Variants in GEMIN2 observed in about 807,000 individuals in gnomAD.
GEMIN2 encodes the protein gem-associated protein 2.
GEMIN2 carries 37 observed loss-of-function variants against 45.8 expected under a neutral mutation model. The observed-to-expected ratio is 0.81, with a 90% CI of 0.62 to 1.06. GEMIN2 has a LOEUF of 1.06. GEMIN2 is among the 50% of genes least tolerant of loss of function. GEMIN2 has a pLI of 0.00. For synonymous variants in GEMIN2, 101 were observed against 111.5 expected (o/e 0.91, Z 0.60); for missense variants, 335 against 321.8 (o/e 1.04, Z -0.31).
intron 2 of GEMIN2, among the ~76,000 whole-genome samples, chr14:39,115,916 G>A (rs1424871592): frequency 1.3e-5 from 2 of 152,168 alleles, no homozygotes; most frequent in Non-Finnish European, 2.9e-5. Flanking sequence ...CCCTCCTGAG[G>A]AAGACAGAGA....
At position 39,125,052 on chromosome 14, in the gene GEMIN2, G is replaced by A; in HGVS notation, c.531+16G>A. 8.5e-7 allele frequency: 1 copy of A among 1,181,004 alleles called. No homozygotes were observed. The highest frequency in any genetic ancestry group is 1.3e-6 in the Non-Finnish European group (1 of 789,134). The allele number at this position is 1,181,004 out of a possible 1,614,324, so 73.2% of individuals were successfully genotyped here. Reference sequence around the variant, plus strand: ...AATGAATCAGGTAAAATTAATAATAGAGATATATGCATTCTTTTGTTTGCA... The same window carrying A: ...AATGAATCAGGTAAAATTAATAATAAAGATATATGCATTCTTTTGTTTGCA... On this transcript the variant is annotated intron_variant, in intron 6 of 9. Coordinates refer to ENST00000308317, the MANE Select transcript of GEMIN2 (RefSeq NM_003616.3).
chr14:39,135,386 G>A (rs1009738528), intron 9 of GEMIN2, among the ~76,000 whole-genome samples: 1 of 152,076 alleles, frequency 6.6e-6, no homozygotes, highest in Non-Finnish European at 1.5e-5. Flanking sequence ...AGGAGTTCAA[G>A]ACTAGCCTGG....
chr14:39,115,910 C>T (rs539483335), intron 2 of GEMIN2, among the ~76,000 whole-genome samples: 40 of 152,236 alleles, frequency 2.6e-4, no homozygotes, highest in African/African-American at 8.4e-4. Flanking sequence ...TACATACCCT[C>T]CTGAGGAAGA....
chr14:39,132,495 C>A (rs2052730040), intron 8 of GEMIN2, among the ~76,000 whole-genome samples: 1 of 151,956 alleles, frequency 6.6e-6, no homozygotes, highest in African/African-American at 2.4e-5. Context: ...TGCACCACTG[C>A]ACTCCTGCCT....
chr14:39,115,396 C>G (rs536844369), intron 2 of GEMIN2, among the ~76,000 whole-genome samples: 6 of 150,360 alleles, frequency 4.0e-5, no homozygotes, highest in Non-Finnish European at 8.9e-5. Context: ...GTGTGCTTTG[C>G]ATGTTCTGAA....
intron 2 of GEMIN2, among the ~76,000 whole-genome samples, chr14:39,116,118 C>T (rs1218913502): frequency 6.6e-6 from 1 of 151,896 alleles, no homozygotes; most frequent in Non-Finnish European, 1.5e-5. Context: ...TCATCACAAC[C>T]TCTGCCTCTC....
intron 6 of GEMIN2, among the ~76,000 whole-genome samples, chr14:39,127,803 C>T (rs1157304409): frequency 6.6e-6 from 1 of 152,058 alleles, no homozygotes; most frequent in Non-Finnish European, 1.5e-5. Context: ...GGCGCGGTGC[C>T]TCACACCTGT....
chr14:39,115,070 T>G (rs1380519859), intron 2 of GEMIN2, among the ~76,000 whole-genome samples, 157 bp downstream of exon 2: 1 of 152,244 alleles, frequency 6.6e-6, no homozygotes, highest in East Asian at 1.9e-4. Flanking sequence ...AGAAAGACAA[T>G]TGGCATTTAC....
chr14:39,118,481 G>T, intron 3 of GEMIN2, 59 bp from the exon 4 acceptor site: 2 of 807,504 alleles, frequency 2.5e-6, no homozygotes, highest in South Asian at 2.8e-5. Flanking sequence ...TGCAGAAACT[G>T]ATTTCAGTTA....
chr14:39,122,427 T>C lies in GEMIN2; in HGVS notation c.373-3T>C, dbSNP rs143414861. On this transcript the variant is annotated splice_region_variant and splice_polypyrimidine_tract_variant and intron_variant, in intron 4 of 9. Coordinates refer to ENST00000308317, the MANE Select transcript of GEMIN2 (RefSeq NM_003616.3). The stretch of plus-strand genomic sequence containing the variant: ...TAAATCAGTTTTTTTTTTTTTCTTT[T>C]AGCCAAAATCTGAAGATGAAGAAGG... 3.0e-4 allele frequency: 443 copies of C among 1,486,018 alleles called. 2 individuals carry two copies. The highest frequency in any genetic ancestry group is 4.1e-4 in the African/African-American group (29 of 71,188). The allele number at this position is 1,486,018 out of a possible 1,614,324, so 92.1% of individuals were successfully genotyped here.
intron 9 of GEMIN2, among the ~76,000 whole-genome samples, chr14:39,134,856 T>C (rs939795559): frequency 6.6e-6 from 1 of 152,232 alleles, no homozygotes; most frequent in South Asian, 2.1e-4. Context: ...GATCAAAAAT[T>C]AAGCTAATAC....
chr14:39,136,501 A>G lies in GEMIN2; in HGVS notation c.*22A>G. On this transcript the variant is annotated 3_prime_UTR_variant, in exon 10 of 10. Transcript: ENST00000308317. The stretch of plus-strand genomic sequence containing the variant: ...TTGATGTAGCTGATCTCTCAGGGAT[A>G]GAAGATATTTCTCATGAAGGCAGCC... 3 of 1,591,546 alleles carry G rather than the reference A, an allele frequency of 1.9e-6. No individual in the cohort carries two copies. The highest frequency in any genetic ancestry group is 1.7e-6 in the Non-Finnish European group (2 of 1,161,220).
chr14:39,129,466 T>C (rs1436010369), intron 7 of GEMIN2, among the ~76,000 whole-genome samples: 1 of 152,170 alleles, frequency 6.6e-6, no homozygotes, highest in Non-Finnish European at 1.5e-5. Flanking sequence ...CAGGCTGGAG[T>C]GCAGTAGCGC....
At chr14:39,122,701 A>G (rs1377649730) in intron 5 of GEMIN2, 158 bp downstream of exon 5, 1 of 464,888 alleles carries the variant, frequency 2.2e-6, no homozygotes, top group African/African-American at 2.0e-5. Flanking sequence ...AAGAGTAAAA[A>G]AGAAACAAAT....
chr14:39,132,328 T>A (rs1044637854), intron 8 of GEMIN2, among the ~76,000 whole-genome samples: 1 of 152,052 alleles, frequency 6.6e-6, no homozygotes, highest in African/African-American at 2.4e-5. Flanking sequence ...GTCAGGAGTT[T>A]GAGACCAACC....
chr14:39,123,709 T>TATATATATATATATATA (rs60209051), intron 5 of GEMIN2, among the ~76,000 whole-genome samples: 30 of 28,954 alleles, frequency 1.0e-3, no homozygotes, highest in African/African-American at 2.4e-3. Context: ...TATATATATA[T>TATATATATATATATATA]TTTTTTTTTT....
At chr14:39,136,273 C>T (rs139783663) in intron 9 of GEMIN2, among the ~76,000 whole-genome samples, 167 bp from the exon 10 acceptor site, 25 of 152,154 alleles carry the variant, frequency 1.6e-4, no homozygotes, top group African/African-American at 6.0e-4. Context: ...ATATTTCCCT[C>T]ATTTCTCTTT....
chr14:39,126,806 G>A (rs1195641881), intron 6 of GEMIN2, among the ~76,000 whole-genome samples: 1 of 151,780 alleles, frequency 6.6e-6, no homozygotes, highest in Non-Finnish European at 1.5e-5. Context: ...TCGCTCTGTC[G>A]CCAGGCTGGA....
At chr14:39,121,996 C>T (rs1319128263) in intron 4 of GEMIN2, 1 of 172,190 alleles carries the variant, frequency 5.8e-6, no homozygotes, top group South Asian at 1.2e-4. Flanking sequence ...GCTGGGATTA[C>T]AGGCGTGAAC....
Sources: allele counts gnomAD v4.1 joint callset (sites outside exome capture counted in the v4.1 genomes callset), GRCh38; gene constraint gnomAD v4.1.1; transcripts MANE v1.5; gene names NCBI Gene and HGNC (gene_info 2026-07-23, HGNC 2026-07-21).